Variants in PDE8B observed in about 807,000 individuals in gnomAD.
PDE8B encodes phosphodiesterase 8B.
In PDE8B, 26 loss-of-function variants were observed where a neutral mutation model predicts 101.3. That is an observed-to-expected ratio of 0.26 (90% CI 0.19 to 0.36). The LOEUF (loss-of-function observed/expected upper bound fraction) is 0.36, where lower values mean the gene tolerates loss of function less well. PDE8B is among the 10% of genes least tolerant of loss of function. The pLI, the probability that PDE8B is intolerant of heterozygous loss-of-function variation, is 1.00. For synonymous variants in PDE8B, 424 were observed against 429.3 expected, an observed-to-expected ratio of 0.99 and a Z score of 0.15; for missense variants, 810 against 1,163.1, an observed-to-expected ratio of 0.70 and a Z score of 4.42.
At chr5:77,357,120 A>G (rs1411025255) in intron 10 of PDE8B, among the ~76,000 whole-genome samples, 2 of 152,208 alleles carry the variant, frequency 1.3e-5, no homozygotes, top group African/African-American at 4.8e-5. Context: ...AAACTGCTGC[A>G]GAAAGTTAGG....
chr5:77,248,210 G>T (rs1202044673), intron 1 of PDE8B, among the ~76,000 whole-genome samples: 1 of 152,200 alleles, frequency 6.6e-6, no homozygotes, highest in Non-Finnish European at 1.5e-5. Flanking sequence ...AGCTCGATGA[G>T]GGCAGGGGCT....
chr5:77,130,314 A>G, the PDE8B span, among the ~76,000 whole-genome samples: 1 of 152,218 alleles, frequency 6.6e-6, no homozygotes, highest in African/African-American at 2.4e-5. Context: ...TCAGCTTATT[A>G]TAAGGTTAGA....
chr5:77,162,282 A>G, the PDE8B span, among the ~76,000 whole-genome samples: 1 of 152,272 alleles, frequency 6.6e-6, no homozygotes, highest in Non-Finnish European at 1.5e-5. Context: ...TAAAATATAT[A>G]CATCAATGGA....
At chr5:77,235,235 G>A (rs1225252681) in intron 1 of PDE8B, among the ~76,000 whole-genome samples, 1 of 152,184 alleles carries the variant, frequency 6.6e-6, no homozygotes, top group African/African-American at 2.4e-5. Flanking sequence ...CGTGCTTGAG[G>A]AAACCCCAAG....
At chr5:77,385,777 C>A (rs1421432147) in intron 10 of PDE8B, among the ~76,000 whole-genome samples, 4 of 139,850 alleles carry the variant, frequency 2.9e-5, no homozygotes, top group Non-Finnish European at 4.6e-5. Flanking sequence ...TGTAGTTGTG[C>A]GGTTTTGAGT....
intron 10 of PDE8B, among the ~76,000 whole-genome samples, chr5:77,383,815 C>T (rs960782503): frequency 4.6e-5 from 7 of 152,174 alleles, no homozygotes; most frequent in Middle Eastern, 6.8e-3. Flanking sequence ...ATTTATGAGG[C>T]TTCTGTTCTG....
chr5:77,359,687 G>A (rs1425808304), intron 10 of PDE8B, among the ~76,000 whole-genome samples: 1 of 152,106 alleles, frequency 6.6e-6, no homozygotes, highest in African/African-American at 2.4e-5. Flanking sequence ...GACCAGTAAT[G>A]CCTGCTCACC....
At chr5:77,355,728 T>C (rs1476750615) in intron 10 of PDE8B, among the ~76,000 whole-genome samples, 7 of 152,194 alleles carry the variant, frequency 4.6e-5, no homozygotes, top group Admixed American at 2.0e-4. Context: ...AGGGACACAA[T>C]GCATCTGCCC....
intron 1 of PDE8B, among the ~76,000 whole-genome samples, chr5:77,242,207 G>A (rs936830095): frequency 1.3e-5 from 2 of 152,218 alleles, no homozygotes; most frequent in Non-Finnish European, 1.5e-5. Context: ...AACTGGTGGT[G>A]TGTTTACAAT....
intron 1 of PDE8B, among the ~76,000 whole-genome samples, chr5:77,234,871 G>A (rs1162755235): frequency 1.3e-5 from 2 of 152,190 alleles, no homozygotes; most frequent in Non-Finnish European, 2.9e-5. Context: ...TGGGATAAGA[G>A]TAATTCCTAT....
chr5:77,368,857 G>A (rs1400283510), intron 10 of PDE8B, among the ~76,000 whole-genome samples: 1 of 152,058 alleles, frequency 6.6e-6, no homozygotes, highest in African/African-American at 2.4e-5. Flanking sequence ...CAGATATATG[G>A]AAACAGAAAG....
chr5:77,244,737 A>C (rs1756512254), intron 1 of PDE8B, among the ~76,000 whole-genome samples: 1 of 152,178 alleles, frequency 6.6e-6, no homozygotes, highest in African/African-American at 2.4e-5. Context: ...GACACTAAGC[A>C]TCAAGAGATG....
intron 1 of PDE8B, among the ~76,000 whole-genome samples, chr5:77,272,723 AAC>A (rs1197471160): frequency 1.3e-5 from 2 of 152,164 alleles, no homozygotes; most frequent in African/African-American, 4.8e-5. Context: ...TAGGAATAAA[AAC>A]AGTTAAGAGT....
rs369559779 is a variant in PDE8B, at chr5:77,314,483, G to C, written c.399+2430G>C. Among the ~76,000 whole-genome samples, 42 of 152,184 alleles carry C rather than the reference G, an allele frequency of 2.8e-4. 1 individual carries two copies. The East Asian group carries it at 8.1e-3, about 29-fold the overall frequency. ...ATGAATCTATAGACCAATTTCAGGA[G>C]TATTACTATGTTAACAATTTTGTTT... On this transcript the variant is annotated intron_variant, in intron 2 of 21. Coordinates refer to ENST00000264917, the MANE Select transcript of PDE8B (RefSeq NM_003719.5).
intron 1 of PDE8B, among the ~76,000 whole-genome samples, chr5:77,268,401 G>A (rs76629065): frequency 0.018 from 2,812 of 152,118 alleles, 46 homozygotes; most frequent in Non-Finnish European, 0.027. Context: ...TAAATACACT[G>A]TTGTTGACTA....
chr5:77,366,928 G>A (rs1381267642), intron 10 of PDE8B, among the ~76,000 whole-genome samples: 1 of 152,122 alleles, frequency 6.6e-6, no homozygotes, highest in Non-Finnish European at 1.5e-5. Flanking sequence ...GGGCATCTGT[G>A]CAGAGAATGT....
Position 77,323,607 on chromosome 5 carries a change from G to A in PDE8B, c.400-1932G>A, listed in dbSNP as rs182809704. Among the ~76,000 whole-genome samples the A allele has an allele frequency of 5.8e-4, 88 of 152,250 alleles. 1 individual carries two copies. The highest frequency in any genetic ancestry group is 7.2e-4 in the Non-Finnish European group (49 of 68,002). ...ATTGCTGAAGCCGGGTAAGGAGTAC[G>A]TGAGTTTCATTATATTATTGTTTCT... is the stretch of plus-strand genomic sequence containing the variant. On this transcript the variant is annotated intron_variant, in intron 2 of 21. Coordinates refer to ENST00000264917, the MANE Select transcript of PDE8B (RefSeq NM_003719.5).
rs1798476274 is a variant in PDE8B at position 77,428,172 on chromosome 5, T to C, written c.*1618T>C. 6.6e-6 allele frequency: 1 copy of C among 152,220 alleles called. No individual in the cohort carries two copies. The highest frequency in any genetic ancestry group is 1.5e-5 in the Non-Finnish European group (1 of 68,034). The allele number at this position is 152,220 out of a possible 1,614,324, so 9.4% of individuals were successfully genotyped here. On this transcript the variant is annotated 3_prime_UTR_variant, in exon 22 of 22. Transcript: ENST00000264917. ...GATGAAAATGTTTTTGTGAAGTACTTGTAACTAAATTCCTACAGCCATTTT... is the reference window on the plus strand; with the variant it reads ...GATGAAAATGTTTTTGTGAAGTACTCGTAACTAAATTCCTACAGCCATTTT...
intron 1 of PDE8B, among the ~76,000 whole-genome samples, chr5:77,284,318 T>A (rs549723096): frequency 1.3e-5 from 2 of 152,326 alleles, no homozygotes; most frequent in South Asian, 4.1e-4. Flanking sequence ...CAGAAATTTT[T>A]AACTTTGAAT....
Sources: allele counts gnomAD v4.1 joint callset (sites outside exome capture counted in the v4.1 genomes callset), GRCh38; gene constraint gnomAD v4.1.1; transcripts MANE v1.5; gene names NCBI Gene and HGNC (gene_info 2026-07-23, HGNC 2026-07-21).